PKNOX2: variants seen among roughly 807,000 people sequenced by gnomAD.
The protein encoded by PKNOX2 is PBX/knotted 1 homeobox 2.
A neutral mutation model predicts 53.1 loss-of-function variants in PKNOX2; 14 were observed. The observed-to-expected ratio is 0.26, with a 90% CI of 0.17 to 0.41. The LOEUF is 0.41. PKNOX2 is among the 10% of genes least tolerant of loss of function. The pLI is 1.00. For missense variants in PKNOX2, 496 were observed against 602.8 expected (o/e 0.82, Z 1.85); for synonymous variants, 257 against 242.8 (o/e 1.06, Z -0.54).
intron 7 of PKNOX2, among the ~76,000 whole-genome samples, chr11:125,404,549 G>C (rs1300577487): frequency 6.6e-6 from 1 of 152,148 alleles, no homozygotes; most frequent in Non-Finnish European, 1.5e-5. Context: ...CCGGGAAGGG[G>C]TGTCTGGGGA....
At chr11:125,232,670 A>C (rs1473698506) in intron 1 of PKNOX2, among the ~76,000 whole-genome samples, 1 of 152,218 alleles carries the variant, frequency 6.6e-6, no homozygotes, top group Non-Finnish European at 1.5e-5. Context: ...ATATAGAACT[A>C]ATACAAACTG....
At position 125,429,017 on chromosome 11, in the gene PKNOX2, C is replaced by T. The variant is rs1956568180; in HGVS notation, c.942C>T (p.Pro314=). 1 of 1,613,274 alleles carries T rather than the reference C, an allele frequency of 6.2e-7. No individual in the cohort carries two copies. The highest frequency in any genetic ancestry group is 1.3e-5 in the African/African-American group (1 of 74,920). Residue 314 remains proline (P), a synonymous_variant, in exon 11 of 13, where the codon CCC becomes CCT. Coordinates refer to ENST00000298282, the MANE Select transcript of PKNOX2 (RefSeq NM_001382323.2). ...GTCTCCACCTCTCGTTTCAGCACCC[C>T]TACCCCACGGAGGATGAGAAGAGGC... The part of the protein sequence containing the change: ...RSWLFQHLMH[P]YPTEDEKRQI...
At position 125,410,605 on chromosome 11, in the gene PKNOX2, A is replaced by G. The variant is rs1326852828; in HGVS notation, c.719-174A>G. On this transcript the variant is annotated intron_variant, in intron 8 of 12. Transcript: ENST00000298282. Reference sequence around the variant, plus strand: ...CACCTCCCACCAGAGGCTCTGTCCTAGGCTCTAGACACCATCCCCCACCCA... The same window carrying G: ...CACCTCCCACCAGAGGCTCTGTCCTGGGCTCTAGACACCATCCCCCACCCA... 2.3e-5 allele frequency: 15 copies of G among 658,514 alleles called. No individual in the cohort carries two copies. The East Asian group carries it at 3.5e-4, about 16-fold the overall frequency. 40.8% of individuals were successfully genotyped at this position (658,514 alleles called of 1,614,324 possible).
intron 1 of PKNOX2, among the ~76,000 whole-genome samples, chr11:125,208,040 G>A (rs1483733061): frequency 6.6e-6 from 1 of 152,146 alleles, no homozygotes; most frequent in Non-Finnish European, 1.5e-5. Flanking sequence ...GTAATGCAAA[G>A]ATGAAAGGTA....
chr11:125,307,794 A>C (rs1053918826), intron 2 of PKNOX2, among the ~76,000 whole-genome samples: 4 of 152,232 alleles, frequency 2.6e-5, no homozygotes, highest in Non-Finnish European at 4.4e-5. Context: ...ATGCAAAGCT[A>C]ATCATATGTA....
chr11:125,283,040 T>C lies in PKNOX2; in HGVS notation c.-130+47925T>C, dbSNP rs954381462. On this transcript the variant is annotated intron_variant, in intron 2 of 12. Coordinates refer to ENST00000298282, the MANE Select transcript of PKNOX2 (RefSeq NM_001382323.2). ...GGTGGCATGTGCCAATAATCCCAGC[T>C]ACTCGGGAGGCTGAGGCAGGAGAAT... 2.6e-5 allele frequency among the ~76,000 whole-genome samples: 4 copies of C among 152,136 alleles called. No individual in the cohort carries two copies. In the East Asian group the frequency reaches 5.8e-4, roughly 22 times the overall value.
chr11:125,359,140 G>A (rs1280607061), intron 4 of PKNOX2, among the ~76,000 whole-genome samples: 1 of 150,532 alleles, frequency 6.6e-6, no homozygotes, highest in Non-Finnish European at 1.5e-5. Flanking sequence ...CGGAAAGGCA[G>A]GAAGGTGGAC....
At position 125,370,814 on chromosome 11, in the gene PKNOX2, T is replaced by C. The variant is rs1952487543; in HGVS notation, c.227+2829T>C. On this transcript the variant is annotated intron_variant, in intron 5 of 12. Coordinates refer to ENST00000298282, the MANE Select transcript of PKNOX2 (RefSeq NM_001382323.2). The surrounding 1 kb of genome is among the most constrained non-coding windows in gnomAD (Gnocchi z 4.1). ...TGCCTGCCTGGGGCAGCCTGGCTGCTCCAAAGCACATCAGGGAGTCGGCAT... is the reference window on the plus strand; with the variant it reads ...TGCCTGCCTGGGGCAGCCTGGCTGCCCCAAAGCACATCAGGGAGTCGGCAT... Among the ~76,000 whole-genome samples the C allele has an allele frequency of 6.6e-6, 1 of 152,216 alleles. No homozygotes were observed. The highest frequency in any genetic ancestry group is 1.5e-5 in the Non-Finnish European group (1 of 68,036).
chr11:125,175,491 G>A (rs974961940), intron 1 of PKNOX2, among the ~76,000 whole-genome samples: 10 of 152,218 alleles, frequency 6.6e-5, no homozygotes, highest in African/African-American at 2.4e-4. Flanking sequence ...AGCTGTGCAG[G>A]ACCTCCAGCG....
chr11:125,383,347 C>T (rs1440312439), intron 5 of PKNOX2, among the ~76,000 whole-genome samples: 1 of 151,454 alleles, frequency 6.6e-6, no homozygotes, highest in African/African-American at 2.4e-5. Context: ...TGGTGGCTCA[C>T]ACCTGTAATC....
intron 1 of PKNOX2, among the ~76,000 whole-genome samples, chr11:125,210,602 T>C (rs572639609): frequency 6.6e-6 from 1 of 152,264 alleles, no homozygotes; most frequent in South Asian, 2.1e-4. Flanking sequence ...TCAGGGTCTC[T>C]GGCTATGGCT....
chr11:125,406,644 C>T lies in PKNOX2; in HGVS notation c.589-3552C>T, dbSNP rs145441001. On this transcript the variant is annotated intron_variant, in intron 7 of 12. Coordinates refer to ENST00000298282, the MANE Select transcript of PKNOX2 (RefSeq NM_001382323.2). ...CCTCTCTCTGTGAGCACTCGTCCTA[C>T]ACTCAGAGCCAGAGGCCTTAGGCTG... Among the ~76,000 whole-genome samples the T allele has an allele frequency of 3.2e-3, 491 of 152,268 alleles. 3 individuals carry two copies. The highest frequency in any genetic ancestry group is 9.8e-3 in the African/African-American group (407 of 41,538).
chr11:125,342,131 C>T (rs1439009640), intron 3 of PKNOX2, among the ~76,000 whole-genome samples: 1 of 151,370 alleles, frequency 6.6e-6, no homozygotes, highest in Non-Finnish European at 1.5e-5. Flanking sequence ...ATTGAATGCA[C>T]AGAGCCACTT....
intron 4 of PKNOX2, among the ~76,000 whole-genome samples, chr11:125,362,184 T>A (rs1951961194): frequency 6.6e-6 from 1 of 152,102 alleles, no homozygotes; most frequent in Admixed American, 6.5e-5. Context: ...TGCCTCTTTT[T>A]TCACAGAGAG....
rs764466990 is a variant in PKNOX2 at position 125,351,370 on chromosome 11, C to A, written c.65C>A (p.Pro22Gln). 2.5e-6 allele frequency: 4 copies of A among 1,604,292 alleles called. No homozygotes were observed. The highest frequency in any genetic ancestry group is 1.3e-5 in the African/African-American group (1 of 74,766). The change falls in exon 4 of 13, where the codon CCA becomes CAA. Residue 22 changes from proline (P) to glutamine (Q), a missense_variant. By Grantham distance (76) the Pro-to-Gln change is moderately conservative (BLOSUM62 -1). This residue lies in a region of PKNOX2 where 168 missense variants were observed against 178.4 expected (regional missense o/e 0.94). Transcript: ENST00000298282. ...TMMATQNVPP[P>Q]PYQDSPQMTA... is the part of the protein sequence containing the mutation. ...ATGGCCACGCAGAATGTCCCGCCCC[C>A]ACCCTACCAGGACAGCCCACAGGTG...
At chr11:125,172,749 A>T (rs1293895040) in intron 1 of PKNOX2, among the ~76,000 whole-genome samples, 6 of 152,090 alleles carry the variant, frequency 3.9e-5, no homozygotes, top group Admixed American at 3.9e-4. Context: ...AACCACCGCC[A>T]CCGCCACAAA....
chr11:125,309,584 C>T (rs1390760965), intron 2 of PKNOX2, among the ~76,000 whole-genome samples: 1 of 152,088 alleles, frequency 6.6e-6, no homozygotes, highest in African/African-American at 2.4e-5. Context: ...GACAGGGTTT[C>T]ACCATGTTGG....
At chr11:125,376,119 G>T (rs767528354) in intron 5 of PKNOX2, among the ~76,000 whole-genome samples, 2 of 152,208 alleles carry the variant, frequency 1.3e-5, no homozygotes, top group Non-Finnish European at 2.9e-5. Context: ...TGTCTGAAGG[G>T]AGGAGGGCTG....
chr11:125,189,536 A>G (rs74474597), intron 1 of PKNOX2, among the ~76,000 whole-genome samples: 4,022 of 139,782 alleles, frequency 0.029, 183 homozygotes, highest in East Asian at 0.15. Context: ...CACCTTAACA[A>G]TCAGTCGTCT....
Sources: allele counts gnomAD v4.1 joint callset (sites outside exome capture counted in the v4.1 genomes callset), GRCh38; gene constraint gnomAD v4.1.1; regional missense constraint gnomAD v4.1.1; non-coding constraint Gnocchi (gnomAD v3.1); transcripts MANE v1.5; gene names NCBI Gene and HGNC (gene_info 2026-07-23, HGNC 2026-07-21).